Variants in PRELID3A observed in about 807,000 individuals in gnomAD.
The protein encoded by PRELID3A is PRELI domain containing 3A, also known as PRELI domain containing protein 3A.
PRELID3A carries 27 observed loss-of-function variants against 23.0 expected under a neutral mutation model. The ratio of observed to expected loss-of-function variants is 1.17; its 90% CI spans 0.87 to 1.62. The LOEUF is 1.62. PRELID3A is among the 40% of genes most tolerant of loss of function. PRELID3A has a pLI of 0.00. For synonymous variants in PRELID3A, 87 were observed against 86.4 expected, an observed-to-expected ratio of 1.01 and a Z score of -0.04; for missense variants, 231 against 231.4, an observed-to-expected ratio of 1.00 and a Z score of 0.01.
intron 3 of PRELID3A, 127 bp from the exon 4 acceptor site, chr18:12,426,914 C>T (rs988251387): frequency 1.0e-5 from 7 of 667,414 alleles, no homozygotes; most frequent in Non-Finnish European, 1.9e-5. Flanking sequence ...GGTCGTATCT[C>T]CTATGCCTAA....
intron 2 of PRELID3A, among the ~76,000 whole-genome samples, chr18:12,420,766 G>A (rs1411417434): frequency 1.0e-5 from 1 of 96,916 alleles, no homozygotes; most frequent in Non-Finnish European, 2.2e-5. Context: ...GTCGGTGGGG[G>A]GGGATCTTCC....
chr18:12,425,360 C>T (rs2030319476), intron 3 of PRELID3A, among the ~76,000 whole-genome samples: 1 of 151,742 alleles, frequency 6.6e-6, no homozygotes, highest in Admixed American at 6.6e-5. Context: ...GTGGCTCATG[C>T]CTGTAATCCC....
chr18:12,412,816 T>C (rs1909960416), intron 1 of PRELID3A, among the ~76,000 whole-genome samples: 1 of 152,204 alleles, frequency 6.6e-6, no homozygotes, highest in African/African-American at 2.4e-5. Context: ...AAATGATAAA[T>C]TGAAAAAGTT....
At chr18:12,415,451 G>C (rs1282450209) in intron 1 of PRELID3A, among the ~76,000 whole-genome samples, 1 of 151,726 alleles carries the variant, frequency 6.6e-6, no homozygotes, top group African/African-American at 2.4e-5. Flanking sequence ...GTAGAGACTG[G>C]GTTTCACCAT....
chr18:12,414,113 C>G (rs538416082), intron 1 of PRELID3A, among the ~76,000 whole-genome samples: 37 of 152,114 alleles, frequency 2.4e-4, no homozygotes, highest in Non-Finnish European at 4.1e-4. Flanking sequence ...TCAGAGTGAA[C>G]AAGTGCCGGC....
chr18:12,426,992 A>G (rs1271222743), intron 3 of PRELID3A, 49 bp from the exon 4 acceptor site: 1 of 1,441,088 alleles, frequency 6.9e-7, no homozygotes, highest in East Asian at 2.3e-5. Flanking sequence ...AGTTGGCTTC[A>G]GAAGAAATGC....
At chr18:12,421,252 C>G in intron 2 of PRELID3A, 1 of 401,178 alleles carries the variant, frequency 2.5e-6, no homozygotes, top group Non-Finnish European at 4.5e-6. Context: ...TGCCCAGACT[C>G]CGCCCGGCAG....
At chr18:12,429,209 G>C in intron 5 of PRELID3A, 141 bp from the exon 6 acceptor site, 1 of 684,270 alleles carries the variant, frequency 1.5e-6, no homozygotes. Flanking sequence ...CCTGTGTGAA[G>C]ATCACTCGGA....
Position 12,420,520 on chromosome 18 carries a change from G to A in PRELID3A, c.201+27G>A. ...TGAGCGGGGCGGGGGCTGCGGCTCCGAACGCGCCCGACTCCCCCACTCCCG... is the reference window on the plus strand; with the variant it reads ...TGAGCGGGGCGGGGGCTGCGGCTCCAAACGCGCCCGACTCCCCCACTCCCG... On this transcript the variant is annotated intron_variant, in intron 2 of 6. Transcript: ENST00000440960. The A allele has an allele frequency of 2.7e-6, 4 of 1,486,804 alleles. No homozygotes were observed. In the South Asian group the frequency reaches 5.3e-5, roughly 20 times the overall value. The allele number at this position is 1,486,804 out of a possible 1,614,324, so 92.1% of individuals were successfully genotyped here. A position where few individuals can be genotyped will look rare whatever the true frequency, so the allele number is the denominator to read the frequency against.
At chr18:12,412,675 C>T (rs1598855359) in intron 1 of PRELID3A, among the ~76,000 whole-genome samples, 1 of 152,202 alleles carries the variant, frequency 6.6e-6, no homozygotes, top group African/African-American at 2.4e-5. Context: ...CTATTTCCCA[C>T]TCAATCAAGG....
intron 1 of PRELID3A, among the ~76,000 whole-genome samples, chr18:12,412,560 G>A (rs1221945877): frequency 6.6e-6 from 1 of 152,208 alleles, no homozygotes; most frequent in African/African-American, 2.4e-5. Context: ...GATATAGATA[G>A]ATATTAATAG....
chr18:12,424,580 A>G (rs1032992374), intron 3 of PRELID3A, among the ~76,000 whole-genome samples: 12 of 152,218 alleles, frequency 7.9e-5, no homozygotes, highest in African/African-American at 2.7e-4. Context: ...GGCACTCTGT[A>G]GGAGGAGAGA....
chr18:12,425,717 A>G (rs1598863884), intron 3 of PRELID3A, among the ~76,000 whole-genome samples: 1 of 151,894 alleles, frequency 6.6e-6, no homozygotes, highest in East Asian at 1.9e-4. Flanking sequence ...AGGTGGGAGG[A>G]TCGCTTGAGC....
At chr18:12,420,671 G>A (rs1213455021) in intron 2 of PRELID3A, among the ~76,000 whole-genome samples, 178 bp downstream of exon 2, 53 of 144,944 alleles carry the variant, frequency 3.7e-4, no homozygotes, top group Middle Eastern at 3.6e-3. Context: ...GGTGGCGGTG[G>A]GGGGAACTTC....
chr18:12,408,119 T>A (rs1267211427), intron 1 of PRELID3A, 112 bp downstream of exon 1: 1 of 972,946 alleles, frequency 1.0e-6, no homozygotes, highest in Admixed American at 4.4e-5. Context: ...CTCGCGGAGA[T>A]CCCCGCCCCG....
intron 4 of PRELID3A, 27 bp from the exon 5 acceptor site, chr18:12,427,194 G>C: frequency 6.2e-7 from 1 of 1,609,860 alleles, no homozygotes; most frequent in Non-Finnish European, 8.5e-7. Flanking sequence ...GGGCTGGTCA[G>C]CCCCTTTTCT....
At chr18:12,427,703 T>A (rs77530886) in intron 5 of PRELID3A, among the ~76,000 whole-genome samples, 1,629 of 149,698 alleles carry the variant, frequency 0.011, 24 homozygotes, top group African/African-American at 0.037. Context: ...AAAAAAAAAA[T>A]AAAAATAAAA....
chr18:12,428,981 C>T (rs779685804), intron 5 of PRELID3A, among the ~76,000 whole-genome samples: 7 of 152,088 alleles, frequency 4.6e-5, no homozygotes, highest in African/African-American at 1.2e-4. Context: ...CTGGAAACAG[C>T]GGAGCGGCCT....
At chr18:12,422,963 G>A (rs932749341) in intron 3 of PRELID3A, among the ~76,000 whole-genome samples, 4 of 152,214 alleles carry the variant, frequency 2.6e-5, no homozygotes, top group African/African-American at 9.6e-5. Flanking sequence ...CCAGCACAGT[G>A]CTAGGGATGG....
Sources: gnomAD v4.1 joint callset for allele counts (sites outside exome capture counted in the v4.1 genomes callset) on GRCh38, gnomAD v4.1.1 for gene constraint, MANE v1.5 for transcripts, NCBI Gene and HGNC (gene_info 2026-07-23, HGNC 2026-07-21) for gene names.